Variants in NRCAM observed in about 807,000 individuals in gnomAD.
The protein encoded by NRCAM is neuronal cell adhesion molecule, also known as NgCAM-related cell adhesion molecule.
NRCAM carries 83 observed loss-of-function variants against 156.5 expected under a neutral mutation model. The observed-to-expected ratio is 0.53, with a 90% CI of 0.44 to 0.64. The LOEUF (loss-of-function observed/expected upper bound fraction) is 0.64. Among genes scored for constraint, NRCAM ranks in the 30% least tolerant of loss-of-function variants. NRCAM has a pLI of 0.00. For missense variants in NRCAM, 1,417 were observed against 1,597.3 expected (o/e 0.89, Z 1.92); for synonymous variants, 538 against 563.9 (o/e 0.95, Z 0.65).
chr7:108,389,781 G>A lies in NRCAM; in HGVS notation c.-174+9655C>T, dbSNP rs1343080582. On this transcript the variant is annotated intron_variant, in intron 2 of 32. Coordinates refer to ENST00000379028, the MANE Select transcript of NRCAM (RefSeq NM_001037132.4). ...TTGGCATGAAGGGCTGTTGAATTTT[G>A]TCAAAGGCCTTTTCTGCATCTATTG... Among the ~76,000 whole-genome samples, 5 of 152,226 alleles carry A rather than the reference G, an allele frequency of 3.3e-5. No homozygotes were observed. The East Asian group carries it at 9.6e-4, about 29-fold the overall frequency.
intron 11 of NRCAM, among the ~76,000 whole-genome samples, chr7:108,219,813 C>T (rs1237785965): frequency 6.6e-6 from 1 of 152,146 alleles, no homozygotes; most frequent in Non-Finnish European, 1.5e-5. Context: ...CCCACTCTTA[C>T]CACTCCTCTT....
intron 2 of NRCAM, among the ~76,000 whole-genome samples, chr7:108,346,484 T>C (rs773211837): frequency 6.6e-6 from 1 of 152,228 alleles, no homozygotes; most frequent in African/African-American, 2.4e-5. Flanking sequence ...TTCTACTCAC[T>C]ACATGGTTAA....
intron 3 of NRCAM, among the ~76,000 whole-genome samples, chr7:108,253,364 G>A (rs2096467775): frequency 6.6e-6 from 1 of 152,170 alleles, no homozygotes; most frequent in South Asian, 2.1e-4. Flanking sequence ...GAGGGAAGAG[G>A]AAAGACTCTG....
intron 14 of NRCAM, among the ~76,000 whole-genome samples, chr7:108,197,551 T>C (rs2075799710): frequency 6.6e-6 from 1 of 152,172 alleles, no homozygotes; most frequent in Non-Finnish European, 1.5e-5. Flanking sequence ...GTGACATGGA[T>C]AAAGGCCAAG....
intron 2 of NRCAM, among the ~76,000 whole-genome samples, chr7:108,316,182 T>G (rs2098917445): frequency 6.6e-6 from 1 of 152,170 alleles, no homozygotes; most frequent in Non-Finnish European, 1.5e-5. Context: ...GGAGTAGGTT[T>G]GTTCTCACAA....
intron 2 of NRCAM, among the ~76,000 whole-genome samples, chr7:108,317,030 T>C (rs893883121): frequency 1.3e-5 from 2 of 152,236 alleles, no homozygotes; most frequent in African/African-American, 4.8e-5. Context: ...CCACGCCTCC[T>C]ATCTCTCCAT....
chr7:108,402,693 C>T (rs1413358645), intron 1 of NRCAM, among the ~76,000 whole-genome samples: 1 of 152,146 alleles, frequency 6.6e-6, no homozygotes, highest in Non-Finnish European at 1.5e-5. Context: ...GGTTCATATT[C>T]TAATGTTAAC....
chr7:108,195,794 G>C lies in NRCAM; in HGVS notation c.1430C>G (p.Ala477Gly), dbSNP rs373854963. The stretch of plus-strand genomic sequence containing the variant: ...GGTTGGGAGAGGAGACCCAAAGAAG[G>C]CACAGTCTAGTAAAGCAGGCCTGTT... ...IANRPALLDCAFFGSPLPTIE... is the reference protein window; with the variant it reads ...IANRPALLDCGFFGSPLPTIE... The change falls in exon 15 of 33, where the codon GCC (alanine) becomes GGC (glycine). Residue 477 changes from alanine (A) to glycine (G), a missense_variant. Coordinates refer to ENST00000379028, the MANE Select transcript of NRCAM (RefSeq NM_001037132.4). 2 of 1,612,228 alleles carry C rather than the reference G, an allele frequency of 1.2e-6. No homozygotes were observed. Among genetic ancestry groups the C allele is most frequent in the Non-Finnish European group, 1.7e-6 (2 of 1,178,618 alleles).
chr7:108,226,257 A>G lies in NRCAM; in HGVS notation c.672T>C (p.His224=), dbSNP rs776699168. The part of the protein sequence containing the change: ...EDYICYARFN[H]TQTIQQKQPI... ...GTTGCTTCTGCTGTATGGTTTGAGT[A>G]TGATTAAATCTAGCATAACAGATAT... Residue 224 remains histidine, a synonymous_variant, in exon 9 of 33, where the codon CAT becomes CAC. Coordinates refer to ENST00000379028, the MANE Select transcript of NRCAM (RefSeq NM_001037132.4). The G allele has an allele frequency of 6.2e-6, 10 of 1,610,726 alleles. No individual in the cohort carries two copies. Among genetic ancestry groups the G allele is most frequent in the Non-Finnish European group, 8.5e-6 (10 of 1,178,892 alleles).
chr7:108,270,119 T>C (rs2097287489), intron 3 of NRCAM, among the ~76,000 whole-genome samples: 1 of 152,206 alleles, frequency 6.6e-6, no homozygotes, highest in Non-Finnish European at 1.5e-5. Flanking sequence ...CTTATTCCTA[T>C]TTTGTAAGGA....
intron 3 of NRCAM, among the ~76,000 whole-genome samples, chr7:108,298,494 A>C (rs2098500241): frequency 6.6e-6 from 1 of 151,800 alleles, no homozygotes; most frequent in South Asian, 2.1e-4. Context: ...AAATACAAAA[A>C]AAAAAAAAAT....
chr7:108,253,385 C>T (rs2096469624), intron 3 of NRCAM, among the ~76,000 whole-genome samples: 2 of 152,068 alleles, frequency 1.3e-5, no homozygotes, highest in Admixed American at 6.5e-5. Context: ...GGAGGTGAAA[C>T]CTGAGCTCTA....
At chr7:108,347,325 C>G (rs1006925463) in intron 2 of NRCAM, among the ~76,000 whole-genome samples, 1 of 152,132 alleles carries the variant, frequency 6.6e-6, no homozygotes, top group African/African-American at 2.4e-5. Context: ...CGTGAGCCAC[C>G]GCGCCCGGCT....
intron 3 of NRCAM, among the ~76,000 whole-genome samples, chr7:108,274,446 GTCCTTCACTAC>G (rs879477086): frequency 6.6e-6 from 1 of 152,092 alleles, no homozygotes; most frequent in African/African-American, 2.4e-5. Context: ...CCTTGAAGAG[GTCCTTCACTAC>G]TCTTGTAAGT....
At chr7:108,356,609 T>G (rs1388739158) in intron 2 of NRCAM, among the ~76,000 whole-genome samples, 3 of 152,206 alleles carry the variant, frequency 2.0e-5, no homozygotes, top group Admixed American at 6.5e-5. Flanking sequence ...AGACTGTTTT[T>G]TAAGAAAATA....
chr7:108,438,883 C>G (rs1217482465), intron 1 of NRCAM, among the ~76,000 whole-genome samples: 1 of 151,702 alleles, frequency 6.6e-6, no homozygotes, highest in East Asian at 1.9e-4. Context: ...ACAATAGCAC[C>G]ACAAAAAATA....
At chr7:108,353,448 T>G (rs1365826159) in intron 2 of NRCAM, among the ~76,000 whole-genome samples, 1 of 151,710 alleles carries the variant, frequency 6.6e-6, no homozygotes, top group Admixed American at 6.6e-5. Flanking sequence ...ACTCCTGGAG[T>G]AGTTAGAGCT....
At chr7:108,347,039 T>TTG (rs1554538497) in intron 2 of NRCAM, among the ~76,000 whole-genome samples, 7 of 135,610 alleles carry the variant, frequency 5.2e-5, no homozygotes, top group Non-Finnish European at 9.6e-5. Context: ...TCTGTTTTTT[T>TTG]TTTTTTTTTT....
chr7:108,210,537 C>T (rs551347878), intron 11 of NRCAM, among the ~76,000 whole-genome samples: 5 of 152,122 alleles, frequency 3.3e-5, no homozygotes, highest in African/African-American at 4.8e-5. Context: ...TGAGCCACCG[C>T]GCCTGGTCCC....
Sources: gnomAD v4.1 joint callset for allele counts (sites outside exome capture counted in the v4.1 genomes callset) on GRCh38, gnomAD v4.1.1 for gene constraint, MANE v1.5 for transcripts, NCBI Gene and HGNC (gene_info 2026-07-23, HGNC 2026-07-21) for gene names.